Variants in ANK2 observed in about 807,000 individuals in gnomAD.
ANK2 encodes ankyrin-2.
Under a neutral mutation model 360.5 loss-of-function variants are expected in ANK2, and 83 were observed. The observed-to-expected ratio is 0.23, with a 90% CI of 0.19 to 0.28. The LOEUF (loss-of-function observed/expected upper bound fraction) is 0.28, where lower values mean the gene tolerates loss of function less well. ANK2 is among the 10% of genes least tolerant of loss of function. The pLI is 1.00. For missense variants in ANK2, 4,201 were observed against 4,795.7 expected, an observed-to-expected ratio of 0.88 and a Z score of 3.66; for synonymous variants, 1,740 against 1,759.5, an observed-to-expected ratio of 0.99 and a Z score of 0.28.
chr4:113,120,315 G>A (rs1481427355), intron 1 of ANK2, among the ~76,000 whole-genome samples: 2 of 152,052 alleles, frequency 1.3e-5, no homozygotes, highest in African/African-American at 4.8e-5. Context: ...GCTTATATTA[G>A]CAAGTAATTT....
chr4:113,290,647 C>T (rs1432726953), intron 20 of ANK2, among the ~76,000 whole-genome samples: 1 of 152,070 alleles, frequency 6.6e-6, no homozygotes, highest in Admixed American at 6.5e-5. Context: ...AACAAACAAA[C>T]AAACAAACAG....
chr4:112,828,707 C>T (rs1325604622), intron 1 of ANK2, among the ~76,000 whole-genome samples: 4 of 152,178 alleles, frequency 2.6e-5, no homozygotes, highest in African/African-American at 4.8e-5. Flanking sequence ...AACCTTTGCA[C>T]AGCCAAGGAA....
chr4:113,159,761 C>T (rs1263528732), intron 1 of ANK2, among the ~76,000 whole-genome samples: 3 of 148,738 alleles, frequency 2.0e-5, no homozygotes, highest in Non-Finnish European at 4.5e-5. Flanking sequence ...GCACCCACCA[C>T]CACGCCCGGC....
chr4:113,048,182 G>C (rs972042760), upstream of ANK2, among the ~76,000 whole-genome samples: 4 of 139,526 alleles, frequency 2.9e-5, no homozygotes, highest in African/African-American at 1.1e-4. Context: ...ATAAGGGCAA[G>C]TGTTTAGAAT....
chr4:112,811,257 C>T, the ANK2 span, among the ~76,000 whole-genome samples: 21 of 152,058 alleles, frequency 1.4e-4, no homozygotes, highest in Non-Finnish European at 2.8e-4. Context: ...ATCAGTTTTC[C>T]GGTAGAATTC....
chr4:113,317,668 GCTGTTGGTATATGC>G, intron 24 of ANK2, 25 bp from the exon 25 acceptor site: 1 of 1,495,184 alleles, frequency 6.7e-7, no homozygotes, highest in Non-Finnish European at 9.3e-7. Flanking sequence ...CCCTGCTACT[GCTGTTGGTATATGC>G]CATGGCCTCC....
At chr4:113,106,992 G>A (rs1239633873) in intron 1 of ANK2, 1 of 505,258 alleles carries the variant, frequency 2.0e-6, no homozygotes, top group Non-Finnish European at 4.0e-6. Flanking sequence ...ATGCATACTT[G>A]GTGTCAAATG....
chr4:112,842,406 A>G (rs72908829), intron 1 of ANK2, among the ~76,000 whole-genome samples: 4,155 of 152,306 alleles, frequency 0.027, 174 homozygotes, highest in African/African-American at 0.093. Flanking sequence ...AAATAGAGTA[A>G]TGATTCGTAA....
At chr4:112,988,143 G>A (rs914458455) in intron 2 of ANK2, among the ~76,000 whole-genome samples, 2 of 147,580 alleles carry the variant, frequency 1.4e-5, no homozygotes, top group African/African-American at 2.7e-5. Flanking sequence ...AGGGAAATAA[G>A]ATATCTTTTA....
At chr4:113,036,787 C>T (rs541145648) in intron 2 of ANK2, among the ~76,000 whole-genome samples, 2 of 151,466 alleles carry the variant, frequency 1.3e-5, no homozygotes, top group Non-Finnish European at 2.9e-5. Context: ...TATTTTTTTC[C>T]AAGATGTTGG....
intron 1 of ANK2, among the ~76,000 whole-genome samples, chr4:113,072,799 T>C (rs1285500290): frequency 2.0e-5 from 3 of 148,976 alleles, no homozygotes. Context: ...GTTTAATCTT[T>C]ATGTGTTTAG....
At chr4:113,232,325 T>A (rs528301143) in intron 5 of ANK2, 66 bp downstream of exon 5, 2 of 1,210,690 alleles carry the variant, frequency 1.7e-6, no homozygotes, top group African/African-American at 3.0e-5. Context: ...TATATCAGGC[T>A]GCAAATAGTC....
At chr4:112,971,490 A>C (rs2039506268) in intron 2 of ANK2, among the ~76,000 whole-genome samples, 1 of 152,226 alleles carries the variant, frequency 6.6e-6, no homozygotes, top group African/African-American at 2.4e-5. Context: ...CCAATATGGA[A>C]AATAGAACAT....
chr4:113,274,556 G>T lies in ANK2; in HGVS notation c.1590G>T (p.Gly530=). Residue 530 remains glycine (G), a synonymous_variant, in exon 15 of 46, where the codon GGG becomes GGT. Coordinates refer to ENST00000357077, the MANE Select transcript of ANK2 (RefSeq NM_001148.6). ...ATCCAGATGCGGCCACTACAAATGG[G>T]TACACACCACTGCACATCTCTGCCC... ...MAHPDAATTN[G]YTPLHISARE... 6.2e-7 allele frequency: 1 copy of T among 1,614,184 alleles called. No homozygotes were observed. The highest frequency in any genetic ancestry group is 8.5e-7 in the Non-Finnish European group (1 of 1,180,044).
chr4:112,910,204 G>A (rs1161981006), intron 2 of ANK2, among the ~76,000 whole-genome samples: 2 of 152,182 alleles, frequency 1.3e-5, no homozygotes, highest in African/African-American at 4.8e-5. Context: ...AAAAGATCAT[G>A]CCCTCCTCAG....
chr4:113,316,387 T>G (rs1414472919), intron 24 of ANK2, among the ~76,000 whole-genome samples: 2 of 152,234 alleles, frequency 1.3e-5, no homozygotes, highest in African/African-American at 4.8e-5. Context: ...ATGAATTACC[T>G]ACAAAGTGAT....
the ANK2 span, among the ~76,000 whole-genome samples, chr4:112,744,377 T>C: frequency 0.74 from 108,938 of 147,530 alleles, 41,006 homozygotes; most frequent in East Asian, 0.97. Context: ...GATGGGGTCT[T>C]GCTCTGTTGC....
intron 2 of ANK2, among the ~76,000 whole-genome samples, chr4:112,956,083 C>T (rs1321607551): frequency 2.0e-5 from 3 of 152,154 alleles, no homozygotes; most frequent in Admixed American, 1.3e-4. Flanking sequence ...CAGGGGATGC[C>T]TGAAACCTCA....
intron 2 of ANK2, among the ~76,000 whole-genome samples, chr4:112,923,668 A>T (rs1185116315): frequency 6.6e-5 from 10 of 152,198 alleles, no homozygotes; most frequent in Admixed American, 6.5e-4. Context: ...TTGAACAGTG[A>T]AATGAACAAA....
Sources: allele counts gnomAD v4.1 joint callset (sites outside exome capture counted in the v4.1 genomes callset), GRCh38; gene constraint gnomAD v4.1.1; transcripts MANE v1.5; gene names NCBI Gene and HGNC (gene_info 2026-07-23, HGNC 2026-07-21).